Variants in CCDC125 observed in about 807,000 individuals in gnomAD.
CCDC125 encodes the protein coiled-coil domain containing 125, also known as coiled-coil domain-containing protein 125.
In CCDC125, 43 loss-of-function variants were observed where a neutral mutation model predicts 57.4. That is an observed-to-expected ratio of 0.75 (90% CI 0.59 to 0.97). The LOEUF (loss-of-function observed/expected upper bound fraction) is 0.97. Ranked by LOEUF, CCDC125 falls within the 50% of genes least tolerant of loss-of-function variation. The pLI is 0.00. For missense variants in CCDC125, 563 were observed against 595.7 expected (o/e 0.95, Z 0.57); for synonymous variants, 187 against 195.2 (o/e 0.96, Z 0.35).
chr5:69,313,477 T>G (rs1758489607), intron 3 of CCDC125: 1 of 1,119,432 alleles, frequency 8.9e-7, no homozygotes, highest in African/African-American at 1.5e-5. Flanking sequence ...TAATTCTTGC[T>G]TGATTCCTGT....
At chr5:69,292,997 C>A (rs750412277) in intron 9 of CCDC125, among the ~76,000 whole-genome samples, 94 of 151,702 alleles carry the variant, frequency 6.2e-4, no homozygotes, top group Non-Finnish European at 7.2e-4. Flanking sequence ...CATGTTGCCA[C>A]GCCTGGCTAA....
rs1752419664 is a variant in CCDC125 at position 69,280,651 on chromosome 5, C to A, written c.*2078G>T. On this transcript the variant is annotated 3_prime_UTR_variant, in exon 12 of 12. Transcript: ENST00000396496. ...TCTCCTTTGCTGTCTCATTTAAATT[C>A]TTTTAAACCAAGAAGACAAGAACTG... 6.6e-6 allele frequency: 1 copy of A among 152,176 alleles called. No homozygotes were observed. Among genetic ancestry groups the A allele is most frequent in the East Asian group, 1.9e-4 (1 of 5,200 alleles). 9.4% of individuals were successfully genotyped at this position (152,176 alleles called of 1,614,324 possible).
Position 69,314,023 on chromosome 5 carries a change from T to C in CCDC125, c.328A>G (p.Asn110Asp), listed in dbSNP as rs1211530629. 1 of 1,609,864 alleles carries C rather than the reference T, an allele frequency of 6.2e-7. No individual in the cohort carries two copies. The highest frequency in any genetic ancestry group is 1.7e-5 in the Admixed American group (1 of 59,998). Residue 110 changes from asparagine (N) to aspartate (D), a missense_variant, in exon 3 of 12, where the codon AAT becomes GAT. Coordinates refer to ENST00000396496, the MANE Select transcript of CCDC125 (RefSeq NM_176816.5). ...TTAAGACATTGCCTTAATTCTTCATTTGACAATTCTGAATTCGAATCTACT... is the reference window on the plus strand; with the variant it reads ...TTAAGACATTGCCTTAATTCTTCATCTGACAATTCTGAATTCGAATCTACT... Reference protein sequence around the residue: ...STVDSNSELSNEELRQCLNET... With the variant: ...STVDSNSELSDEELRQCLNET...
At chr5:69,278,750 G>A (rs987214365), downstream of CCDC125, among the ~76,000 whole-genome samples, 1 of 138,530 alleles carries the variant, frequency 7.2e-6, no homozygotes, top group African/African-American at 2.7e-5. Flanking sequence ...GCCCAGGTTG[G>A]AGTGTAGTAG....
chr5:69,291,216 G>T (rs190148622), intron 10 of CCDC125, among the ~76,000 whole-genome samples: 1 of 152,218 alleles, frequency 6.6e-6, no homozygotes, highest in Admixed American at 6.5e-5. Flanking sequence ...GAATAATACT[G>T]ATGAATAAAA....
chr5:69,286,228 AT>A (rs1472354506), intron 10 of CCDC125, among the ~76,000 whole-genome samples: 19 of 69,484 alleles, frequency 2.7e-4, no homozygotes, highest in African/African-American at 1.1e-3. Context: ...ATATATATAT[AT>A]ATATAATTTT....
At chr5:69,278,209 A>ATTTTT (rs1390942140), downstream of CCDC125, among the ~76,000 whole-genome samples, 1 of 148,692 alleles carries the variant, frequency 6.7e-6, no homozygotes, top group African/African-American at 2.5e-5. Flanking sequence ...AATTCACTTT[A>ATTTTT]TTTTATTTTT....
At chr5:69,328,303 T>C (rs1156461680) in intron 1 of CCDC125, among the ~76,000 whole-genome samples, 2 of 152,098 alleles carry the variant, frequency 1.3e-5, no homozygotes, top group Non-Finnish European at 2.9e-5. Context: ...TTGGACAAAA[T>C]TAGAAAATAA....
intron 7 of CCDC125, among the ~76,000 whole-genome samples, chr5:69,301,464 C>CA (rs1756430758): frequency 6.6e-6 from 1 of 151,816 alleles, no homozygotes. Flanking sequence ...CCCATGTCTA[C>CA]AAAAATTTTT....
intron 7 of CCDC125, 131 bp from the exon 8 acceptor site, chr5:69,300,258 AAAACC>A: frequency 3.0e-6 from 2 of 672,094 alleles, no homozygotes; most frequent in Non-Finnish European, 5.4e-6. Context: ...CTCCATTCAG[AAAACC>A]TATCTGATAG....
intron 2 of CCDC125, among the ~76,000 whole-genome samples, chr5:69,318,221 C>A (rs1759438769): frequency 6.6e-6 from 1 of 151,240 alleles, no homozygotes; most frequent in Non-Finnish European, 1.5e-5. Context: ...ACCTCATGAT[C>A]CACCCGCCTC....
intron 2 of CCDC125, among the ~76,000 whole-genome samples, chr5:69,319,084 C>T (rs1759609651): frequency 6.6e-6 from 1 of 151,972 alleles, no homozygotes; most frequent in Non-Finnish European, 1.5e-5. Context: ...CGTGCCACCA[C>T]ACCCAGCTAA....
rs546660982 is a variant in CCDC125 at position 69,329,222 on chromosome 5, G to A, written c.-41+3427C>T. On this transcript the variant is annotated intron_variant, in intron 1 of 11. Coordinates refer to ENST00000396496, the MANE Select transcript of CCDC125 (RefSeq NM_176816.5). The stretch of plus-strand genomic sequence containing the variant: ...GAGTCTCAGTCTGTTGACCAGGCTG[G>A]AGTGCAGTGACAGCTCACTGCAGCC... Among the ~76,000 whole-genome samples, 11 of 152,192 alleles carry A rather than the reference G, an allele frequency of 7.2e-5. No homozygotes were observed. The East Asian group carries it at 1.9e-3, about 27-fold the overall frequency.
intron 11 of CCDC125, among the ~76,000 whole-genome samples, 185 bp from the exon 12 acceptor site, chr5:69,283,219 T>C (rs1752703089): frequency 6.8e-6 from 1 of 146,102 alleles, no homozygotes; most frequent in South Asian, 2.2e-4. Flanking sequence ...TATTCATGAA[T>C]CTTTTTTTTT....
chr5:69,294,197 T>C (rs774854513), intron 9 of CCDC125: 987 of 916,170 alleles, frequency 1.1e-3, no homozygotes, highest in Non-Finnish European at 1.2e-3. Context: ...TTTCCTTCTA[T>C]TATATAGTAA....
chr5:69,295,542 C>T (rs1188946246), intron 8 of CCDC125, among the ~76,000 whole-genome samples: 1 of 152,098 alleles, frequency 6.6e-6, no homozygotes, highest in South Asian at 2.1e-4. Flanking sequence ...CCCTCTTCCT[C>T]GTTGCTCTTG....
intron 4 of CCDC125, chr5:69,310,355 T>C (rs1195860339): frequency 1.3e-5 from 2 of 152,884 alleles, no homozygotes; most frequent in Admixed American, 6.5e-5. Flanking sequence ...CATACTGTTC[T>C]GGTATGTGAA....
At chr5:69,303,158 T>G (rs1454323471) in intron 7 of CCDC125, among the ~76,000 whole-genome samples, 2 of 152,184 alleles carry the variant, frequency 1.3e-5, no homozygotes, top group Non-Finnish European at 2.9e-5. Flanking sequence ...TAGCTGGGAC[T>G]ACAGGCCAGT....
Position 69,320,316 on chromosome 5 carries a change from C to T in CCDC125, c.225G>A (p.Gln75=), listed in dbSNP as rs774863871. 3 of 1,614,112 alleles carry T rather than the reference C, an allele frequency of 1.9e-6. No individual in the cohort carries two copies. The highest frequency in any genetic ancestry group is 2.5e-6 in the Non-Finnish European group (3 of 1,180,008). Residue 75 remains glutamine, a synonymous_variant, in exon 2 of 12, where the codon CAG becomes CAA. Transcript: ENST00000396496. Reference sequence around the variant, plus strand: ...CTTGCTGGCTCTTATGCTTGGAATACTGAAAACTCGCTTCATTTCTTTCTT... The same window carrying T: ...CTTGCTGGCTCTTATGCTTGGAATATTGAAAACTCGCTTCATTTCTTTCTT... ...KGEERNEASF[Q]YSKHKSQQDT...
Sources: gnomAD v4.1 joint callset for allele counts (sites outside exome capture counted in the v4.1 genomes callset) on GRCh38, gnomAD v4.1.1 for gene constraint, MANE v1.5 for transcripts, NCBI Gene and HGNC (gene_info 2026-07-23, HGNC 2026-07-21) for gene names.